Variants in ST7L observed in about 807,000 individuals in gnomAD.
ST7L encodes the protein suppression of tumorigenicity 7 like, also known as suppressor of tumorigenicity 7 protein-like.
A neutral mutation model predicts 72.5 loss-of-function variants in ST7L; 57 were observed. That is an observed-to-expected ratio of 0.79 (90% CI 0.64 to 0.98). ST7L has a LOEUF of 0.98. Ranked by LOEUF, ST7L falls within the 50% of genes least tolerant of loss-of-function variation. The pLI is 0.00. For missense variants in ST7L, 576 were observed against 672.2 expected (o/e 0.86, Z 1.58); for synonymous variants, 221 against 240.9 (o/e 0.92, Z 0.77).
intron 4 of ST7L, among the ~76,000 whole-genome samples, chr1:112,599,937 G>A (rs1667138907): frequency 6.6e-6 from 1 of 152,192 alleles, no homozygotes; most frequent in South Asian, 2.1e-4. Context: ...ATGTGTGGTG[G>A]CTCATGCTTG....
At chr1:112,578,619 C>G (rs1028442626) in intron 9 of ST7L, among the ~76,000 whole-genome samples, 3 of 151,752 alleles carry the variant, frequency 2.0e-5, no homozygotes, top group Admixed American at 1.3e-4. Flanking sequence ...ATTAAAAATA[C>G]AAAAATTTGC....
chr1:112,519,780 TAAGTTA>T (rs1344644116), downstream of ST7L, among the ~76,000 whole-genome samples: 3 of 152,074 alleles, frequency 2.0e-5, no homozygotes, highest in Non-Finnish European at 4.4e-5. Flanking sequence ...TATGAGAAAC[TAAGTTA>T]ATGTTTCATT....
chr1:112,543,285 C>T (rs1482843289), intron 13 of ST7L, among the ~76,000 whole-genome samples: 1 of 152,204 alleles, frequency 6.6e-6, no homozygotes, highest in Non-Finnish European at 1.5e-5. Flanking sequence ...AGCAGTGGCT[C>T]ACGCCTGTAA....
chr1:112,619,571 A>G (rs531521553), upstream of ST7L: 52 of 530,638 alleles, frequency 9.8e-5, 2 homozygotes, highest in South Asian at 1.4e-3. Context: ...TAATCGAAAC[A>G]CGCTGCCAGC....
intron 13 of ST7L, among the ~76,000 whole-genome samples, chr1:112,544,108 G>A (rs1450804173): frequency 6.6e-6 from 1 of 152,094 alleles, no homozygotes; most frequent in Admixed American, 6.5e-5. Flanking sequence ...TGCAGTAGGT[G>A]CTCAATAAAT....
intron 14 of ST7L, among the ~76,000 whole-genome samples, chr1:112,535,480 A>C (rs1570882815): frequency 6.6e-6 from 1 of 152,184 alleles, no homozygotes; most frequent in Non-Finnish European, 1.5e-5. Context: ...CTGTAATCCC[A>C]GCATTTTGGT....
intron 14 of ST7L, among the ~76,000 whole-genome samples, chr1:112,530,559 C>G (rs930710673): frequency 6.6e-6 from 1 of 152,128 alleles, no homozygotes; most frequent in South Asian, 2.1e-4. Flanking sequence ...GGATTACAGG[C>G]GCCTGCCACC....
At position 112,525,529 on chromosome 1, in the gene ST7L, T is replaced by TCG; in HGVS notation, c.*483_*484insCG. The TCG allele has an allele frequency of 6.8e-6, 1 of 147,828 alleles. No individual in the cohort carries two copies. The allele number at this position is 147,828 out of a possible 1,614,324, so 9.2% of individuals were successfully genotyped here. ...TATCTCTGAGCATCTCGGTGGCTAT[T>TCG]CCTCATTTACTTAAGATGTTTTAGT... is the stretch of plus-strand genomic sequence containing the variant. On this transcript the variant is annotated 3_prime_UTR_variant, in exon 15 of 15. Transcript: ENST00000358039.
intron 11 of ST7L, among the ~76,000 whole-genome samples, chr1:112,568,375 C>T (rs1264795089): frequency 2.6e-5 from 3 of 116,578 alleles, no homozygotes; most frequent in Non-Finnish European, 3.3e-5. Context: ...CTTGCTTTGT[C>T]GCCCAGGCTG....
chr1:112,598,491 C>T (rs74806438), intron 4 of ST7L, among the ~76,000 whole-genome samples: 2,966 of 151,056 alleles, frequency 0.02, 34 homozygotes, highest in Middle Eastern at 0.052. Flanking sequence ...GGCTTGCACC[C>T]GTAATCCCAG....
downstream of ST7L, chr1:112,520,301 G>A (rs755540740): frequency 2.5e-6 from 4 of 1,614,042 alleles, no homozygotes; most frequent in South Asian, 1.1e-5. Context: ...ACTGCAGGCC[G>A]TGTCTGCAGC....
At chr1:112,592,700 T>G (rs1243496533) in intron 5 of ST7L, among the ~76,000 whole-genome samples, 1 of 152,218 alleles carries the variant, frequency 6.6e-6, no homozygotes, top group Non-Finnish European at 1.5e-5. Context: ...TGAATCTTTA[T>G]TAACATTTTA....
intron 1 of ST7L, 34 bp downstream of exon 1, chr1:112,618,875 C>A: frequency 6.5e-7 from 1 of 1,549,116 alleles, no homozygotes; most frequent in Non-Finnish European, 8.7e-7. Context: ...TCTCCTGGCC[C>A]CCCGCCCTGC....
chr1:112,528,888 T>C (rs1369741379), intron 14 of ST7L: 1 of 152,206 alleles, frequency 6.6e-6, no homozygotes, highest in African/African-American at 2.4e-5. Context: ...TGAGGAACTT[T>C]ATTCTAATTT....
At chr1:112,548,232 C>A (rs1488720365) in intron 13 of ST7L, among the ~76,000 whole-genome samples, 1 of 152,064 alleles carries the variant, frequency 6.6e-6, no homozygotes, top group African/African-American at 2.4e-5. Flanking sequence ...ATGGTGGGTG[C>A]CTGTAATCCC....
chr1:112,617,888 C>T lies in ST7L; in HGVS notation c.206-993G>A, dbSNP rs932869308. ...AGAAACCACCGTTAAGCACTTCATT[C>T]ACCTGTTACAGAGATGCCAAATTAG... On this transcript the variant is annotated intron_variant, in intron 1 of 14. Transcript: ENST00000358039. The T allele has an allele frequency of 1.1e-4, 82 of 734,716 alleles. No homozygotes were observed. In the South Asian group the frequency reaches 1.2e-3, roughly 11 times the overall value. 45.5% of individuals were successfully genotyped at this position (734,716 alleles called of 1,614,324 possible).
intron 12 of ST7L, among the ~76,000 whole-genome samples, chr1:112,552,520 T>C (rs1658393373): frequency 6.6e-6 from 1 of 152,154 alleles, no homozygotes; most frequent in African/African-American, 2.4e-5. Flanking sequence ...TTCTCCTGCC[T>C]CAGCCTCCCA....
At chr1:112,612,431 G>T (rs1488027870) in intron 2 of ST7L, among the ~76,000 whole-genome samples, 2 of 152,076 alleles carry the variant, frequency 1.3e-5, no homozygotes, top group African/African-American at 2.4e-5. Flanking sequence ...ATTTTACTAT[G>T]ACCACAAACA....
Position 112,524,179 on chromosome 1 carries a change from A to G in ST7L, c.*1834T>C, listed in dbSNP as rs866979276. ...CCCTTATCAAGAACACCAACCAGTA[A>G]GTCTTTGCCAAATTCTCAGACCCAC... On this transcript the variant is annotated 3_prime_UTR_variant, in exon 15 of 15. Coordinates refer to ENST00000358039, the MANE Select transcript of ST7L (RefSeq NM_017744.5). 6.6e-6 allele frequency: 1 copy of G among 152,524 alleles called. No individual in the cohort carries two copies. The highest frequency in any genetic ancestry group is 1.5e-5 in the Non-Finnish European group (1 of 68,034). The allele number at this position is 152,524 out of a possible 1,614,324, so 9.4% of individuals were successfully genotyped here.
Sources: gnomAD v4.1 joint callset for allele counts (sites outside exome capture counted in the v4.1 genomes callset) on GRCh38, gnomAD v4.1.1 for gene constraint, MANE v1.5 for transcripts, NCBI Gene and HGNC (gene_info 2026-07-23, HGNC 2026-07-21) for gene names.